Variants in TNRC6A observed in about 807,000 individuals in gnomAD.
TNRC6A encodes the protein trinucleotide repeat-containing gene 6A protein.
In TNRC6A, 44 loss-of-function variants were observed where a neutral mutation model predicts 221.2. That is an observed-to-expected ratio of 0.20 (90% CI 0.16 to 0.26). The LOEUF (loss-of-function observed/expected upper bound fraction) is 0.26, where lower values mean the gene tolerates loss of function less well. Ranked by LOEUF, TNRC6A falls within the 10% of genes least tolerant of loss-of-function variation. The pLI is 1.00. For missense variants in TNRC6A, 2,199 were observed against 2,404.4 expected, an observed-to-expected ratio of 0.91 and a Z score of 1.79; for synonymous variants, 847 against 838.5, an observed-to-expected ratio of 1.01 and a Z score of -0.18.
chr16:24,657,664 G>A (rs1029215332), intron 2 of TNRC6A, among the ~76,000 whole-genome samples: 3 of 149,034 alleles, frequency 2.0e-5, no homozygotes, highest in Admixed American at 6.7e-5. Flanking sequence ...AGCTGAGATC[G>A]TGCCACTGCA....
At chr16:24,705,310 G>A (rs1355437059) in intron 2 of TNRC6A, among the ~76,000 whole-genome samples, 3 of 151,764 alleles carry the variant, frequency 2.0e-5, no homozygotes, top group African/African-American at 7.3e-5. Flanking sequence ...ATCTTATACA[G>A]ACTATCTATT....
intron 2 of TNRC6A, among the ~76,000 whole-genome samples, chr16:24,677,546 C>T (rs147950124): frequency 1.6e-3 from 238 of 152,272 alleles, no homozygotes; most frequent in Non-Finnish European, 2.6e-3. Flanking sequence ...TCATCCCGAG[C>T]TCCTCCCATC....
At position 24,790,450 on chromosome 16, in the gene TNRC6A, C is replaced by G; in HGVS notation, c.1808C>G (p.Thr603Ser). 6.2e-7 allele frequency: 1 copy of G among 1,614,196 alleles called. No individual in the cohort carries two copies. Among genetic ancestry groups the G allele is most frequent in the South Asian group, 1.1e-5 (1 of 91,088 alleles). ...GGAGGAAGTCGAAGAGGATGGGGAA[C>G]CCCTGCACAAAACACTGGCACTAAT... ...NSGGSRRGWG[T>S]PAQNTGTNLP... Residue 603 changes from threonine to serine, a missense_variant, in exon 6 of 25, where the codon ACC (threonine) becomes AGC (serine). By Grantham distance (58) the Thr-to-Ser change is moderately conservative. Coordinates refer to ENST00000395799, the MANE Select transcript of TNRC6A (RefSeq NM_014494.4).
In TNRC6A at chr16:24,701,368, CT is replaced by C. The variant is rs397854971; in HGVS notation, n.403-49343del. The stretch of plus-strand genomic sequence containing the variant: ...CCACCCACCTTACTAACTTTTTTTT[CT>C]TTTTTTTTTTTTTTGAGACGGAGTC... On this transcript the variant is annotated intron_variant and non_coding_transcript_variant, in intron 2 of 2. Coordinates refer to the TNRC6A transcript ENST00000566108. Among the ~76,000 whole-genome samples, 873 of 135,466 alleles carry C rather than the reference CT, an allele frequency of 6.4e-3. 3 individuals carry two copies. Among genetic ancestry groups the C allele is most frequent in the Non-Finnish European group, 8.3e-3 (520 of 62,668 alleles). 88.9% of individuals were successfully genotyped at this position (135,466 alleles called of 152,430 possible). A position where few individuals can be genotyped will look rare whatever the true frequency, so the allele number is the denominator to read the frequency against.
intron 2 of TNRC6A, among the ~76,000 whole-genome samples, chr16:24,642,880 A>C (rs934145456): frequency 5.3e-5 from 8 of 151,072 alleles, no homozygotes; most frequent in African/African-American, 1.9e-4. Context: ...CTGTCTCTAC[A>C]AAAAATTTTT....
chr16:24,663,162 G>C (rs1425393584), intron 2 of TNRC6A: 1 of 153,728 alleles, frequency 6.5e-6, no homozygotes, highest in South Asian at 2.1e-4. Flanking sequence ...CCCAAGACAC[G>C]CTCAGGTATG....
intron 2 of TNRC6A, among the ~76,000 whole-genome samples, chr16:24,660,747 T>TC (rs1371349498): frequency 7.3e-6 from 1 of 136,808 alleles, no homozygotes; most frequent in African/African-American, 2.8e-5. Flanking sequence ...TTCTTTTTTT[T>TC]TTTTTTTTTT....
intron 2 of TNRC6A, among the ~76,000 whole-genome samples, chr16:24,673,176 CAAAAATTTTTT>C (rs1418274097): frequency 6.6e-6 from 1 of 151,954 alleles, no homozygotes; most frequent in Non-Finnish European, 1.5e-5. Context: ...TCCCTCTCTA[CAAAAATTTTTT>C]AAAAATTAAA....
intron 2 of TNRC6A, among the ~76,000 whole-genome samples, chr16:24,643,060 C>CAT (rs1287837460): frequency 1.7e-3 from 215 of 127,336 alleles, no homozygotes; most frequent in African/African-American, 5.9e-3. Context: ...ATATATATAA[C>CAT]ATATATATTA....
chr16:24,620,001 G>A (rs973729475), intron 1 of TNRC6A, among the ~76,000 whole-genome samples: 77 of 152,122 alleles, frequency 5.1e-4, no homozygotes, highest in Non-Finnish European at 4.4e-5. Flanking sequence ...ACTTAGCCAG[G>A]TGTGATGGTG....
At position 24,729,812 on chromosome 16, in the gene TNRC6A, G is replaced by T; in HGVS notation, c.-30G>T. The T allele has an allele frequency of 7.1e-7, 1 of 1,408,376 alleles. No individual in the cohort carries two copies. Among genetic ancestry groups the T allele is most frequent in the Non-Finnish European group, 9.3e-7 (1 of 1,073,812 alleles). The allele number at this position is 1,408,376 out of a possible 1,614,324, so 87.2% of individuals were successfully genotyped here. ...TTGAGGCTCGCGAGCCTCCTTCGCC[G>T]CGCCCCACTTGCTCGTGCACTTTAC... On this transcript the variant is annotated 5_prime_UTR_variant, in exon 1 of 25. Coordinates refer to ENST00000395799, the MANE Select transcript of TNRC6A (RefSeq NM_014494.4).
chr16:24,656,680 T>C (rs1306547607), intron 2 of TNRC6A, among the ~76,000 whole-genome samples: 2 of 152,154 alleles, frequency 1.3e-5, no homozygotes, highest in East Asian at 1.9e-4. Context: ...TTAGAACTTT[T>C]AAAAATCATT....
Position 24,789,928 on chromosome 16 carries a change from C to T in TNRC6A, c.1286C>T (p.Ser429Phe), listed in dbSNP as rs2151864509. The T allele has an allele frequency of 1.2e-6, 2 of 1,613,740 alleles. No homozygotes were observed. Among genetic ancestry groups the T allele is most frequent in the Middle Eastern group, 3.3e-4 (2 of 6,060 alleles). The change falls in exon 6 of 25, where the codon TCT becomes TTT. Residue 429 changes from serine (S) to phenylalanine (F), a missense_variant. Physicochemically the swap from Ser to Phe is radical, Grantham distance 155. Coordinates refer to ENST00000395799, the MANE Select transcript of TNRC6A (RefSeq NM_014494.4). ...GGAAGCCTTCAGGAAACTTGTGAATCTGAAGTAAGTGGTACACAGAAGGTT... is the reference window on the plus strand; with the variant it reads ...GGAAGCCTTCAGGAAACTTGTGAATTTGAAGTAAGTGGTACACAGAAGGTT... ...TWGSLQETCE[S>F]EVSGTQKVSF...
rs560171686 is a variant in TNRC6A, at chr16:24,764,472, G to C, written c.163+6112G>C. The stretch of plus-strand genomic sequence containing the variant: ...CTCCTGGGTAGCTGGGATTACAGGC[G>C]CGTACCACCACACCTAATTTTTGTA... On this transcript the variant is annotated intron_variant, in intron 4 of 24. Coordinates refer to ENST00000395799, the MANE Select transcript of TNRC6A (RefSeq NM_014494.4). Among the ~76,000 whole-genome samples, 9 of 151,686 alleles carry C rather than the reference G, an allele frequency of 5.9e-5. No homozygotes were observed. In the South Asian group the frequency reaches 1.9e-3, roughly 32 times the overall value.
chr16:24,613,275 T>A (rs1371062212), intron 1 of TNRC6A, among the ~76,000 whole-genome samples: 1 of 151,356 alleles, frequency 6.6e-6, no homozygotes, highest in East Asian at 1.9e-4. Context: ...CCAGGTGGCG[T>A]GTGTGAAGGC....
At chr16:24,738,611 A>G (rs1318381657) in intron 2 of TNRC6A, among the ~76,000 whole-genome samples, 2 of 152,320 alleles carry the variant, frequency 1.3e-5, no homozygotes, top group East Asian at 3.9e-4. Flanking sequence ...ATCATGTCGC[A>G]TATATCCTTT....
rs181889933 is a variant in TNRC6A, at chr16:24,781,439, G to A, written c.589+4081G>A. On this transcript the variant is annotated intron_variant, in intron 5 of 24. Coordinates refer to ENST00000395799, the MANE Select transcript of TNRC6A (RefSeq NM_014494.4). ...GTTACTGAAGGAATAGTCTGTACTT[G>A]CAGTCTTTAATGTATTACATCAGTC... Among the ~76,000 whole-genome samples, 13 of 152,212 alleles carry A rather than the reference G, an allele frequency of 8.5e-5. No individual in the cohort carries two copies. The East Asian group carries it at 2.5e-3, about 29-fold the overall frequency.
rs149448096 is a variant in TNRC6A, at chr16:24,660,243, C to T, written n.402+19234C>T. 2.6e-3 allele frequency among the ~76,000 whole-genome samples: 391 copies of T among 152,098 alleles called. 4 individuals are homozygous for T. The highest frequency in any genetic ancestry group is 9.3e-3 in the African/African-American group (384 of 41,478). ...CCCTCACCCCCTTCCTACCCTGTCC[C>T]CCTGAGTCCCCAAAGTCCCTTGTGT... On this transcript the variant is annotated intron_variant and non_coding_transcript_variant, in intron 2 of 2. Transcript: ENST00000566108.
Position 24,823,345 on chromosome 16 carries a change from C to T in TNRC6A, c.5514-87C>T. ...TCTGTGCCTTCTGTGGCTTTTCTAGCAGAGACAAGTTGCACCCTCACTTGT... is the reference window on the plus strand; with the variant it reads ...TCTGTGCCTTCTGTGGCTTTTCTAGTAGAGACAAGTTGCACCCTCACTTGT... On this transcript the variant is annotated intron_variant, in intron 24 of 24. Transcript: ENST00000395799. This position sits in a 1 kb window ranked among gnomAD's most constrained non-coding sequence, Gnocchi z 4.3. The T allele has an allele frequency of 6.7e-7, 1 of 1,490,660 alleles. No individual in the cohort carries two copies. Among genetic ancestry groups the T allele is most frequent in the African/African-American group, 1.4e-5 (1 of 71,662 alleles). The allele number at this position is 1,490,660 out of a possible 1,614,324, so 92.3% of individuals were successfully genotyped here.
Sources: gnomAD v4.1 joint callset for allele counts (sites outside exome capture counted in the v4.1 genomes callset) on GRCh38, gnomAD v4.1.1 for gene constraint, Gnocchi (gnomAD v3.1) non-coding constraint, MANE v1.5 for transcripts, NCBI Gene and HGNC (gene_info 2026-07-23, HGNC 2026-07-21) for gene names.